ZBTB20: variants seen among roughly 807,000 people sequenced by gnomAD.
The protein encoded by ZBTB20 is zinc finger and BTB domain containing 20, also known as zinc finger and BTB domain-containing protein 20.
In ZBTB20, 9 loss-of-function variants were observed where a neutral mutation model predicts 56.9. That is an observed-to-expected ratio of 0.16 (90% CI 0.10 to 0.28). The LOEUF (loss-of-function observed/expected upper bound fraction) is 0.28. Ranked by LOEUF, ZBTB20 falls within the 10% of genes least tolerant of loss-of-function variation. The probability of loss-of-function intolerance (pLI) is 1.00; values close to 1 mark genes in which losing one functional copy is unlikely to be tolerated. For missense variants in ZBTB20, 655 were observed against 1,003.0 expected, an observed-to-expected ratio of 0.65 and a Z score of 4.69; for synonymous variants, 417 against 420.7, an observed-to-expected ratio of 0.99 and a Z score of 0.11.
intron 4 of ZBTB20, among the ~76,000 whole-genome samples, chr3:114,863,449 TAAA>T (rs2075625173): frequency 6.6e-6 from 1 of 151,974 alleles, no homozygotes; most frequent in Non-Finnish European, 1.5e-5. Flanking sequence ...AAAAAAGAAA[TAAA>T]GAAGGGCACA....
intron 4 of ZBTB20, among the ~76,000 whole-genome samples, chr3:114,869,329 A>G (rs2075894968): frequency 6.6e-6 from 1 of 152,104 alleles, no homozygotes; most frequent in South Asian, 2.1e-4. Flanking sequence ...CCAATATTAA[A>G]ATAGTCTTTT....
intron 2 of ZBTB20, among the ~76,000 whole-genome samples, chr3:115,052,343 G>A (rs2081584147): frequency 6.6e-6 from 1 of 151,952 alleles, no homozygotes; most frequent in Admixed American, 6.6e-5. Context: ...TGTAATCCCA[G>A]CTACTCGGGA....
chr3:114,670,809 G>A (rs961196270), intron 6 of ZBTB20, among the ~76,000 whole-genome samples: 2 of 152,080 alleles, frequency 1.3e-5, no homozygotes, highest in Admixed American at 1.3e-4. Flanking sequence ...AAATGCTGTG[G>A]GGCACCCATG....
At chr3:114,491,877 C>G (rs1043789315) in intron 7 of ZBTB20, among the ~76,000 whole-genome samples, 2 of 152,122 alleles carry the variant, frequency 1.3e-5, no homozygotes, top group Non-Finnish European at 2.9e-5. Flanking sequence ...ATTACAAACA[C>G]GTTATTGTTT....
chr3:114,971,262 T>A (rs2077870834), intron 3 of ZBTB20, among the ~76,000 whole-genome samples: 1 of 152,204 alleles, frequency 6.6e-6, no homozygotes, highest in African/African-American at 2.4e-5. Flanking sequence ...GTTTAAATAA[T>A]CATAACTCAA....
intron 2 of ZBTB20, among the ~76,000 whole-genome samples, chr3:115,034,017 G>A (rs574029494): frequency 3.3e-5 from 5 of 151,812 alleles, no homozygotes; most frequent in Admixed American, 1.3e-4. Flanking sequence ...CTTGATTAAT[G>A]CAGAAAAACT....
At chr3:114,420,120 T>C (rs2089000195) in intron 7 of ZBTB20, among the ~76,000 whole-genome samples, 1 of 152,144 alleles carries the variant, frequency 6.6e-6, no homozygotes, top group African/African-American at 2.4e-5. Flanking sequence ...ACCTGAGTGA[T>C]CTAGAAGAAA....
At chr3:114,661,800 C>T (rs955176624) in intron 6 of ZBTB20, among the ~76,000 whole-genome samples, 2 of 152,020 alleles carry the variant, frequency 1.3e-5, no homozygotes, top group African/African-American at 2.4e-5. Context: ...CTATATGAAA[C>T]GAATTCTACA....
At chr3:114,457,028 C>T (rs1376172573) in intron 7 of ZBTB20, among the ~76,000 whole-genome samples, 5 of 152,206 alleles carry the variant, frequency 3.3e-5, no homozygotes, top group Admixed American at 1.3e-4. Context: ...CTAAAACACA[C>T]GGCCTACAGT....
intron 6 of ZBTB20, among the ~76,000 whole-genome samples, chr3:114,549,221 T>C (rs199632797): frequency 6.6e-6 from 1 of 152,212 alleles, no homozygotes; most frequent in Non-Finnish European, 1.5e-5. Context: ...CTTGCCCTTA[T>C]AACTTTAAAT....
chr3:114,995,045 G>A (rs1285730108), intron 2 of ZBTB20, among the ~76,000 whole-genome samples: 2 of 151,858 alleles, frequency 1.3e-5, no homozygotes, highest in Non-Finnish European at 2.9e-5. Flanking sequence ...AAACTGCACC[G>A]AATGTTCATG....
intron 2 of ZBTB20, among the ~76,000 whole-genome samples, chr3:115,002,389 A>C (rs1287779719): frequency 6.6e-6 from 1 of 151,604 alleles, no homozygotes; most frequent in Admixed American, 6.6e-5. Flanking sequence ...TATTAAAATT[A>C]AAACTTCCAT....
intron 4 of ZBTB20, among the ~76,000 whole-genome samples, chr3:114,837,917 A>C (rs887783707): frequency 6.6e-6 from 1 of 152,176 alleles, no homozygotes; most frequent in Non-Finnish European, 1.5e-5. Context: ...TAATTTAAAA[A>C]ATGACTCTCT....
intron 1 of ZBTB20, among the ~76,000 whole-genome samples, chr3:115,128,459 T>C (rs1489311041): frequency 6.7e-6 from 1 of 150,002 alleles, no homozygotes; most frequent in East Asian, 2.0e-4. Flanking sequence ...AGGTCAGGAG[T>C]TCAAGATCAG....
chr3:114,791,761 A>G (rs1172212689), intron 5 of ZBTB20: 1 of 152,182 alleles, frequency 6.6e-6, no homozygotes, highest in East Asian at 1.9e-4. Flanking sequence ...AAAAATCTAA[A>G]TCTTCTAATA....
chr3:114,910,648 C>T (rs1214126809), intron 3 of ZBTB20, among the ~76,000 whole-genome samples: 3 of 151,700 alleles, frequency 2.0e-5, no homozygotes, highest in Non-Finnish European at 2.9e-5. Context: ...GTATATCAGC[C>T]ATATAAGTGG....
At chr3:114,711,430 A>T (rs988442754) in intron 5 of ZBTB20, among the ~76,000 whole-genome samples, 1 of 152,208 alleles carries the variant, frequency 6.6e-6, no homozygotes, top group African/African-American at 2.4e-5. Context: ...TTTATTCTGC[A>T]TGGTGCAGCG....
chr3:114,621,201 C>T (rs1578007363), intron 6 of ZBTB20, among the ~76,000 whole-genome samples: 1 of 152,024 alleles, frequency 6.6e-6, no homozygotes, highest in African/African-American at 2.4e-5. Flanking sequence ...TGTATATTTG[C>T]TGAAGGATAA....
At chr3:115,099,152 T>C (rs1431303212) in intron 1 of ZBTB20, among the ~76,000 whole-genome samples, 1 of 151,874 alleles carries the variant, frequency 6.6e-6, no homozygotes, top group African/African-American at 2.4e-5. Flanking sequence ...CTTTTCCCAC[T>C]ATAAAAAAGA....
Sources: allele counts gnomAD v4.1 joint callset (sites outside exome capture counted in the v4.1 genomes callset), GRCh38; gene constraint gnomAD v4.1.1; transcripts MANE v1.5; gene names NCBI Gene and HGNC (gene_info 2026-07-23, HGNC 2026-07-21).